Variants in PPP1R9A observed in about 807,000 individuals in gnomAD.
The protein encoded by PPP1R9A is protein phosphatase 1 regulatory subunit 9A.
In PPP1R9A, 59 loss-of-function variants were observed where a neutral mutation model predicts 141.9. That is an observed-to-expected ratio of 0.42 (90% CI 0.34 to 0.52). The LOEUF (loss-of-function observed/expected upper bound fraction) is 0.52, where lower values mean the gene tolerates loss of function less well. Ranked by LOEUF, PPP1R9A falls within the 20% of genes least tolerant of loss-of-function variation. The probability of loss-of-function intolerance (pLI) is 0.10; values close to 1 mark genes in which losing one functional copy is unlikely to be tolerated. For synonymous variants in PPP1R9A, 500 were observed against 569.7 expected (o/e 0.88, Z 1.74); for missense variants, 1,444 against 1,611.9 (o/e 0.90, Z 1.78).
intron 5 of PPP1R9A, among the ~76,000 whole-genome samples, chr7:95,162,629 A>G (rs1830611932): frequency 2.6e-5 from 4 of 152,188 alleles, no homozygotes; most frequent in Non-Finnish European, 5.9e-5. Context: ...TATTGCTTAT[A>G]TCATATACTT....
At chr7:95,214,279 G>A (rs932200117) in intron 7 of PPP1R9A, 4 of 152,234 alleles carry the variant, frequency 2.6e-5, no homozygotes, top group African/African-American at 4.8e-5. Flanking sequence ...TCATCCAAAT[G>A]CTCCACTGGG....
intron 16 of PPP1R9A, among the ~76,000 whole-genome samples, chr7:95,281,312 A>G (rs1411246536): frequency 6.6e-6 from 1 of 152,170 alleles, no homozygotes; most frequent in East Asian, 1.9e-4. Flanking sequence ...TTGCCACTGT[A>G]GAGACGTAGG....
intron 2 of PPP1R9A, among the ~76,000 whole-genome samples, chr7:95,091,761 G>A (rs957138700): frequency 6.6e-5 from 10 of 150,882 alleles, no homozygotes; most frequent in African/African-American, 2.4e-4. Flanking sequence ...TGGGGGCAGG[G>A]CATGTGTTGT....
chr7:95,111,246 C>T lies in PPP1R9A; in HGVS notation c.1396-13C>T. The T allele has an allele frequency of 6.4e-7, 1 of 1,568,050 alleles. No individual in the cohort carries two copies. The highest frequency in any genetic ancestry group is 8.6e-7 in the Non-Finnish European group (1 of 1,157,662). ...TTTTTCTGTATTATCATCTTGTTGG[C>T]CTCTTACTACAGGTTTTCAACACAT... On this transcript the variant is annotated splice_polypyrimidine_tract_variant and intron_variant, in intron 2 of 19. Coordinates refer to ENST00000433360, the MANE Select transcript of PPP1R9A (RefSeq NM_001166160.2).
intron 12 of PPP1R9A, among the ~76,000 whole-genome samples, chr7:95,261,946 A>C (rs1419500915): frequency 6.6e-6 from 1 of 152,172 alleles, no homozygotes. Flanking sequence ...TTTCCTTTTT[A>C]GGGAAATAAC....
At chr7:94,986,672 A>T (rs138262780) in intron 2 of PPP1R9A, among the ~76,000 whole-genome samples, 2 of 152,324 alleles carry the variant, frequency 1.3e-5, no homozygotes, top group East Asian at 3.9e-4. Flanking sequence ...AATTATCCAG[A>T]TTTAATCATT....
intron 2 of PPP1R9A, among the ~76,000 whole-genome samples, chr7:95,090,712 G>A (rs1817227889): frequency 6.6e-6 from 1 of 151,788 alleles, no homozygotes; most frequent in Non-Finnish European, 1.5e-5. Context: ...GGAGGCTAAG[G>A]CAGGAGACTC....
chr7:95,064,847 A>G (rs1333868827), intron 2 of PPP1R9A, among the ~76,000 whole-genome samples: 1 of 152,226 alleles, frequency 6.6e-6, no homozygotes, highest in African/African-American at 2.4e-5. Context: ...GGTATAACAT[A>G]TTAAAATGAC....
chr7:95,256,796 G>A (rs1799649274), intron 12 of PPP1R9A, among the ~76,000 whole-genome samples: 1 of 152,050 alleles, frequency 6.6e-6, no homozygotes, highest in Non-Finnish European at 1.5e-5. Flanking sequence ...AGAAGCATCA[G>A]ACATCAATCA....
intron 16 of PPP1R9A, among the ~76,000 whole-genome samples, chr7:95,274,889 A>G (rs1280635766): frequency 5.3e-5 from 8 of 152,138 alleles, no homozygotes. Context: ...CTGTGCCTTC[A>G]TTTCCTCATG....
chr7:95,002,427 G>A (rs769130440), intron 2 of PPP1R9A, among the ~76,000 whole-genome samples: 3 of 152,154 alleles, frequency 2.0e-5, no homozygotes, highest in Non-Finnish European at 4.4e-5. Context: ...GGTGTCTCCA[G>A]GTAGGACACG....
chr7:94,916,206 C>T (rs1479020974), intron 2 of PPP1R9A, among the ~76,000 whole-genome samples: 2 of 152,190 alleles, frequency 1.3e-5, no homozygotes, highest in Non-Finnish European at 2.9e-5. Flanking sequence ...ATGATTATCA[C>T]TTCTTAAGTG....
intron 2 of PPP1R9A, among the ~76,000 whole-genome samples, chr7:95,076,229 G>T (rs1033670739): frequency 6.6e-6 from 1 of 152,142 alleles, no homozygotes; most frequent in African/African-American, 2.4e-5. Context: ...ACAGAATGTT[G>T]CAGGTCACAG....
rs142376360 is a variant in PPP1R9A at position 94,960,623 on chromosome 7, C to A, written c.1395+49115C>A. On this transcript the variant is annotated intron_variant, in intron 2 of 19. Transcript: ENST00000433360. ...AAATTGATTTCATTCTTACCATAAA[C>A]CCCCAGGTAAGTAATATTAATCCCT... Among the ~76,000 whole-genome samples, 404 of 151,706 alleles carry A rather than the reference C, an allele frequency of 2.7e-3. 1 individual carries two copies. The highest frequency in any genetic ancestry group is 9.1e-3 in the African/African-American group (377 of 41,504).
At chr7:95,237,611 A>T (rs1389516291) in intron 8 of PPP1R9A, among the ~76,000 whole-genome samples, 1 of 152,148 alleles carries the variant, frequency 6.6e-6, no homozygotes, top group Non-Finnish European at 1.5e-5. Flanking sequence ...CATATATTAA[A>T]ATCACCAGTT....
chr7:95,275,112 A>G (rs948603106), intron 16 of PPP1R9A, among the ~76,000 whole-genome samples: 24 of 152,220 alleles, frequency 1.6e-4, no homozygotes, highest in African/African-American at 5.8e-4. Context: ...TGATCCTTAT[A>G]GGATTGAGAG....
chr7:94,941,354 A>G (rs1393358039), intron 2 of PPP1R9A, among the ~76,000 whole-genome samples: 1 of 152,152 alleles, frequency 6.6e-6, no homozygotes, highest in East Asian at 1.9e-4. Context: ...ATGGAATTGT[A>G]TCTTTACATG....
intron 5 of PPP1R9A, among the ~76,000 whole-genome samples, chr7:95,172,752 G>C (rs906760568): frequency 5.3e-5 from 8 of 151,766 alleles, no homozygotes; most frequent in Admixed American, 2.6e-4. Context: ...AAAAATTTTA[G>C]AAGATTATTT....
At chr7:95,118,415 A>G (rs966825691) in intron 3 of PPP1R9A, among the ~76,000 whole-genome samples, 4 of 152,178 alleles carry the variant, frequency 2.6e-5, no homozygotes, top group African/African-American at 7.2e-5. Context: ...AAGTTTTCAC[A>G]CTAAAGAGAC....
Sources: gnomAD v4.1 joint callset for allele counts (sites outside exome capture counted in the v4.1 genomes callset) on GRCh38, gnomAD v4.1.1 for gene constraint, MANE v1.5 for transcripts, NCBI Gene and HGNC (gene_info 2026-07-23, HGNC 2026-07-21) for gene names.